The following RPSA2 variants were observed in gnomAD, a reference collection of about 807,000 sequenced individuals.
The protein encoded by RPSA2 is ribosomal protein SA 2, also known as small ribosomal subunit protein uS2B.
chr19:23,785,624 A>G, the RPSA2 span, among the ~76,000 whole-genome samples: 1 of 152,182 alleles, frequency 6.6e-6, no homozygotes, highest in Non-Finnish European at 1.5e-5. Context: ...GCTGAGTATT[A>G]AAGTGATGTG....
At chr19:23,870,343 A>G in the RPSA2 span, among the ~76,000 whole-genome samples, 17 of 152,250 alleles carry the variant, frequency 1.1e-4, no homozygotes, top group African/African-American at 3.9e-4. Flanking sequence ...ATTAAAATCC[A>G]TGGTTCTGTG....
the RPSA2 span, among the ~76,000 whole-genome samples, chr19:23,803,566 CTATATT>C: frequency 2.0e-5 from 3 of 151,880 alleles, no homozygotes; most frequent in Non-Finnish European, 4.4e-5. Context: ...TCTCATCTGT[CTATATT>C]TATATTCTAT....
the RPSA2 span, chr19:23,799,505 CT>C: frequency 1.3e-5 from 2 of 152,262 alleles, no homozygotes; most frequent in Non-Finnish European, 1.5e-5. Context: ...TGATGTGACA[CT>C]AAAGTGCTGC....
chr19:23,841,740 C>T, the RPSA2 span, among the ~76,000 whole-genome samples: 1 of 152,162 alleles, frequency 6.6e-6, no homozygotes, highest in Non-Finnish European at 1.5e-5. Flanking sequence ...CTCTCTCCTC[C>T]TCCTGTTCAC....
At chr19:23,853,272 G>T in the RPSA2 span, among the ~76,000 whole-genome samples, 1 of 152,244 alleles carries the variant, frequency 6.6e-6, no homozygotes, top group Non-Finnish European at 1.5e-5. Context: ...TAAAGCAGGG[G>T]CAGGCATGAC....
the RPSA2 span, among the ~76,000 whole-genome samples, chr19:23,865,678 T>C: frequency 1.3e-5 from 2 of 152,128 alleles, no homozygotes; most frequent in Admixed American, 6.5e-5. Flanking sequence ...CCCCCTCCAA[T>C]AACAGAAGTA....
chr19:23,832,391 A>G, the RPSA2 span: 4 of 502,698 alleles, frequency 8.0e-6, no homozygotes, highest in Admixed American at 2.2e-5. Flanking sequence ...AAACCCTACA[A>G]ATGTGAAGAA....
chr19:23,870,358 G>C, the RPSA2 span, among the ~76,000 whole-genome samples: 1 of 151,610 alleles, frequency 6.6e-6, no homozygotes, highest in African/African-American at 2.4e-5. Context: ...TCTGTGGTTA[G>C]GGGAACAAGT....
At chr19:23,777,716 C>T in the RPSA2 span, among the ~76,000 whole-genome samples, 1 of 152,164 alleles carries the variant, frequency 6.6e-6, no homozygotes, top group Non-Finnish European at 1.5e-5. Context: ...TTCTCTCCTG[C>T]CTGAGCCTTG....
chr19:23,787,962 T>C, the RPSA2 span, among the ~76,000 whole-genome samples: 2 of 152,240 alleles, frequency 1.3e-5, no homozygotes, highest in Admixed American at 1.3e-4. Flanking sequence ...TAGATTGCAA[T>C]ATATCTTTGG....
chr19:23,760,885 G>A, the RPSA2 span, among the ~76,000 whole-genome samples: 5 of 151,112 alleles, frequency 3.3e-5, no homozygotes, highest in Non-Finnish European at 7.4e-5. Context: ...GGCTGGTCTC[G>A]AACTCCTGAC....
At chr19:23,832,714 C>G in the RPSA2 span, 1 of 1,521,680 alleles carries the variant, frequency 6.6e-7, no homozygotes. Context: ...TGGAGAGAAA[C>G]CCTACAAATG....
chr19:23,858,899 A>G, the RPSA2 span, among the ~76,000 whole-genome samples: 1 of 152,224 alleles, frequency 6.6e-6, no homozygotes, highest in Non-Finnish European at 1.5e-5. Flanking sequence ...TATGTAAATT[A>G]GACACTGCCT....
At chr19:23,815,412 C>T in the RPSA2 span, among the ~76,000 whole-genome samples, 1 of 81,434 alleles carries the variant, frequency 1.2e-5, no homozygotes, top group South Asian at 4.3e-4. Context: ...AATGTTTACA[C>T]TCCATTAATT....
chr19:23,791,637 G>A, the RPSA2 span, among the ~76,000 whole-genome samples: 2 of 151,940 alleles, frequency 1.3e-5, no homozygotes, highest in East Asian at 3.8e-4. Context: ...TAAATTTCCA[G>A]TTTCGTCTGA....
chr19:23,826,351 C>T, the RPSA2 span, among the ~76,000 whole-genome samples: 1 of 151,898 alleles, frequency 6.6e-6, no homozygotes, highest in African/African-American at 2.4e-5. Context: ...CATCACCATG[C>T]CTGGCTAATT....
At chr19:23,856,005 T>G in the RPSA2 span, among the ~76,000 whole-genome samples, 1 of 152,046 alleles carries the variant, frequency 6.6e-6, no homozygotes, top group Non-Finnish European at 1.5e-5. Context: ...TAAGATCATC[T>G]GGGGGTGACA....
the RPSA2 span, among the ~76,000 whole-genome samples, chr19:23,835,112 A>G: frequency 6.6e-6 from 1 of 152,116 alleles, no homozygotes; most frequent in East Asian, 1.9e-4. Context: ...TTAAATTGTT[A>G]TTGACTACAG....
chr19:23,816,441 A>G, the RPSA2 span, among the ~76,000 whole-genome samples: 4 of 152,200 alleles, frequency 2.6e-5, no homozygotes, highest in Non-Finnish European at 5.9e-5. Context: ...TTTAATTTAT[A>G]TTTAAAACTG....
Sources: allele counts gnomAD v4.1 joint callset (sites outside exome capture counted in the v4.1 genomes callset), GRCh38; gene constraint gnomAD v4.1.1; transcripts MANE v1.5; gene names NCBI Gene and HGNC (gene_info 2026-07-23, HGNC 2026-07-21).